COL22A1: variants seen among roughly 807,000 people sequenced by gnomAD.
The protein encoded by COL22A1 is collagen type XXII alpha 1 chain.
COL22A1 carries 221 observed loss-of-function variants against 248.9 expected under a neutral mutation model. The observed-to-expected ratio is 0.89, with a 90% CI of 0.80 to 0.99. The LOEUF (loss-of-function observed/expected upper bound fraction) is 0.99, where lower values mean the gene tolerates loss of function less well. Ranked by LOEUF, COL22A1 falls within the 50% of genes least tolerant of loss-of-function variation. The probability of loss-of-function intolerance (pLI) is 0.00; values close to 1 mark genes in which losing one functional copy is unlikely to be tolerated. For missense variants in COL22A1, 2,240 were observed against 2,179.0 expected (o/e 1.03, Z -0.56); for synonymous variants, 891 against 793.4 (o/e 1.12, Z -2.07).
intron 16 of COL22A1, among the ~76,000 whole-genome samples, chr8:138,767,800 C>T (rs1834026308): frequency 6.6e-6 from 1 of 152,076 alleles, no homozygotes; most frequent in African/African-American, 2.4e-5. Flanking sequence ...GAGGGCGCCC[C>T]CACTCCACTG....
At chr8:138,791,890 TTCTTATA>T (rs1816079379) in intron 12 of COL22A1, among the ~76,000 whole-genome samples, 1 of 152,130 alleles carries the variant, frequency 6.6e-6, no homozygotes, top group Non-Finnish European at 1.5e-5. Context: ...TTAGCTGAGT[TTCTTATA>T]TTTGCTTGCT....
chr8:138,899,921 T>A (rs779348645), intron 1 of COL22A1, among the ~76,000 whole-genome samples: 2 of 152,200 alleles, frequency 1.3e-5, no homozygotes, highest in African/African-American at 4.8e-5. Flanking sequence ...AATGAGTAAA[T>A]AAATAAAAAT....
At chr8:138,622,422 T>C (rs897950291) in intron 52 of COL22A1, among the ~76,000 whole-genome samples, 1 of 152,200 alleles carries the variant, frequency 6.6e-6, no homozygotes, top group African/African-American at 2.4e-5. Context: ...ATTGTTATTA[T>C]TGTTGTTGTT....
In COL22A1 at chr8:138,778,412, G is replaced by T; in HGVS notation, c.1705-6C>A. On this transcript the variant is annotated splice_region_variant and splice_polypyrimidine_tract_variant and intron_variant, in intron 14 of 64. Coordinates refer to ENST00000303045, the MANE Select transcript of COL22A1 (RefSeq NM_152888.3). ...CCAGGTGGTCCTTGGGGCCCCTGCA[G>T]AAGAGCATTTACAGAGTAAAGTTTC... 1 of 1,594,688 alleles carries T rather than the reference G, an allele frequency of 6.3e-7. No homozygotes were observed. Among genetic ancestry groups the T allele is most frequent in the Non-Finnish European group, 8.5e-7 (1 of 1,173,870 alleles).
At chr8:138,651,325 G>A (rs986074642) in intron 45 of COL22A1, among the ~76,000 whole-genome samples, 1 of 152,140 alleles carries the variant, frequency 6.6e-6, no homozygotes, top group African/African-American at 2.4e-5. Context: ...AGAGGACAGA[G>A]GTAGAATTAT....
At chr8:138,892,413 T>TGCA (rs1378040196) in intron 1 of COL22A1, among the ~76,000 whole-genome samples, 3 of 152,228 alleles carry the variant, frequency 2.0e-5, no homozygotes, top group Non-Finnish European at 4.4e-5. Flanking sequence ...CTGCAAATCC[T>TGCA]GCAGCACAGG....
chr8:138,754,611 G>A (rs982696956), intron 21 of COL22A1, among the ~76,000 whole-genome samples: 1 of 152,154 alleles, frequency 6.6e-6, no homozygotes, highest in Non-Finnish European at 1.5e-5. Flanking sequence ...AATTATTCTC[G>A]ATATCTGAAC....
intron 21 of COL22A1, among the ~76,000 whole-genome samples, chr8:138,753,580 G>A (rs1392105363): frequency 1.3e-5 from 2 of 152,204 alleles, no homozygotes; most frequent in African/African-American, 4.8e-5. Context: ...ACGTGCAGGG[G>A]ATTCCAATTC....
In COL22A1 at chr8:138,689,011, G is replaced by C. The variant is rs776517740; in HGVS notation, c.2809-41C>G. On this transcript the variant is annotated intron_variant, in intron 36 of 64. Coordinates refer to ENST00000303045, the MANE Select transcript of COL22A1 (RefSeq NM_152888.3). Reference sequence around the variant, plus strand: ...TTACGGACATGGTGAATTTAAAGATGACTGGTCACTCTTGGTGGCTCGTGA... The same window carrying C: ...TTACGGACATGGTGAATTTAAAGATCACTGGTCACTCTTGGTGGCTCGTGA... The C allele has an allele frequency of 3.2e-6, 5 of 1,547,044 alleles. No individual in the cohort carries two copies. In the East Asian group the frequency reaches 1.1e-4, roughly 35 times the overall value.
intron 31 of COL22A1, among the ~76,000 whole-genome samples, chr8:138,701,903 G>A (rs1260972265): frequency 6.6e-6 from 1 of 152,170 alleles, no homozygotes; most frequent in Non-Finnish European, 1.5e-5. Context: ...ATCTTTTCAA[G>A]ACCATACACA....
rs533003341 is a variant in COL22A1, at chr8:138,762,346, G to A, written c.1857+67C>T. The A allele has an allele frequency of 6.9e-4, 1,034 of 1,491,034 alleles. 1 individual carries two copies. Among genetic ancestry groups the A allele is most frequent in the Non-Finnish European group, 9.1e-4 (976 of 1,070,760 alleles). The allele number at this position is 1,491,034 out of a possible 1,614,324, so 92.4% of individuals were successfully genotyped here. ...CTGAGGCTCTGTGGAGCTTTATGTG[G>A]GGTCTGGTCATTCCCATCCTCTGAC... On this transcript the variant is annotated intron_variant, in intron 17 of 64. Transcript: ENST00000303045.
intron 47 of COL22A1, among the ~76,000 whole-genome samples, chr8:138,638,643 G>C (rs1821405164): frequency 6.6e-6 from 1 of 152,034 alleles, no homozygotes; most frequent in African/African-American, 2.4e-5. Flanking sequence ...AAAAAAAATG[G>C]AGTCAGAGAG....
chr8:138,877,790 G>T lies in COL22A1; in HGVS notation c.618C>A (p.Ile206=). The T allele has an allele frequency of 1.2e-6, 2 of 1,606,626 alleles. No homozygotes were observed. Among genetic ancestry groups the T allele is most frequent in the Non-Finnish European group, 1.7e-6 (2 of 1,176,342 alleles). ...GCCGCAGCTTGCCCCGGATCTTGTCGATGGCATTGAAGTCGGACACGTGGA... is the reference window on the plus strand; with the variant it reads ...GCCGCAGCTTGCCCCGGATCTTGTCTATGGCATTGAAGTCGGACACGTGGA... ...HVFHVSDFNA[I]DKIRGKLRRR... The change falls in exon 3 of 65, where the codon ATC becomes ATA. Residue 206 remains isoleucine, a synonymous_variant. Transcript: ENST00000303045.
chr8:138,720,855 G>T, intron 26 of COL22A1, 63 bp from the exon 27 acceptor site: 1 of 1,315,830 alleles, frequency 7.6e-7, no homozygotes, highest in Non-Finnish European at 1.1e-6. Flanking sequence ...ACAACACAAA[G>T]TACTAGGCAC....
At chr8:138,865,911 G>A (rs1160280850) in intron 3 of COL22A1, among the ~76,000 whole-genome samples, 2 of 149,956 alleles carry the variant, frequency 1.3e-5, no homozygotes, top group Non-Finnish European at 3.0e-5. Flanking sequence ...TTGTATGCCT[G>A]CATGTGAGTG....
intron 47 of COL22A1, among the ~76,000 whole-genome samples, chr8:138,646,185 A>G (rs1822189201): frequency 6.6e-6 from 1 of 152,232 alleles, no homozygotes; most frequent in South Asian, 2.1e-4. Flanking sequence ...TATCACTCAC[A>G]TGAGAATAAC....
chr8:138,706,426 T>A (rs1051505836), intron 30 of COL22A1, among the ~76,000 whole-genome samples: 1 of 152,176 alleles, frequency 6.6e-6, no homozygotes, highest in Non-Finnish European at 1.5e-5. Flanking sequence ...ACAGAAATTA[T>A]AACAAACTGT....
At chr8:138,598,065 G>C (rs1817686033) in intron 61 of COL22A1, among the ~76,000 whole-genome samples, 1 of 152,228 alleles carries the variant, frequency 6.6e-6, no homozygotes, top group African/African-American at 2.4e-5. Flanking sequence ...GGAAGGAGTG[G>C]TCACATGGAC....
At position 138,715,520 on chromosome 8, in the gene COL22A1, G is replaced by T. The variant is rs1829357202; in HGVS notation, c.2517+162C>A. On this transcript the variant is annotated intron_variant, in intron 30 of 64. Transcript: ENST00000303045. The stretch of plus-strand genomic sequence containing the variant: ...GGAGGCAGAGGTTGCAGTGAGACGA[G>T]ATCATGCCACTGCACTCCCGCTTGG... Among the ~76,000 whole-genome samples, 4 of 140,178 alleles carry T rather than the reference G, an allele frequency of 2.9e-5. No homozygotes were observed. In the South Asian group the frequency reaches 9.3e-4, roughly 33 times the overall value. The allele number at this position is 140,178 out of a possible 152,430, so 92.0% of individuals were successfully genotyped here.
Sources: allele counts gnomAD v4.1 joint callset (sites outside exome capture counted in the v4.1 genomes callset), GRCh38; gene constraint gnomAD v4.1.1; transcripts MANE v1.5; gene names NCBI Gene and HGNC (gene_info 2026-07-23, HGNC 2026-07-21).